NFIB: variants seen among roughly 807,000 people sequenced by gnomAD.
NFIB encodes the protein nuclear factor I B.
A neutral mutation model predicts 61.5 loss-of-function variants in NFIB; 11 were observed. The ratio of observed to expected loss-of-function variants is 0.18; its 90% CI spans 0.11 to 0.30. NFIB has a LOEUF of 0.30. Ranked by LOEUF, NFIB falls within the 10% of genes least tolerant of loss-of-function variation. NFIB has a pLI of 1.00. For missense variants in NFIB, 471 were observed against 608.9 expected (o/e 0.77, Z 2.38); for synonymous variants, 260 against 216.5 (o/e 1.20, Z -1.76).
chr9:14,362,921 A>G (rs2061256867), intron 1 of NFIB: 1 of 152,142 alleles, frequency 6.6e-6, no homozygotes, highest in Non-Finnish European at 1.5e-5. Context: ...AACAAAAAAA[A>G]GGACTTTGGG....
chr9:14,295,586 G>A (rs1414368565), intron 2 of NFIB, among the ~76,000 whole-genome samples: 4 of 152,056 alleles, frequency 2.6e-5, no homozygotes, highest in Admixed American at 6.6e-5. Context: ...AGCCGAGATT[G>A]CGCCACTGCA....
rs1485100181 is a variant in NFIB at position 14,237,762 on chromosome 9, CAGTGTGTGTGTGTGTGTGTG to C, written c.563-58002_563-57983del. ...AAGCTCCTCACCCTGCTAGGTATAA[CAGTGTGTGTGTGTGTGTGTG>C]TGTGTGTGTGTGTGTGTGTGTGTGT... On this transcript the variant is annotated intron_variant, in intron 2 of 10. Coordinates refer to ENST00000380953, the MANE Select transcript of NFIB (RefSeq NM_001190737.2). Among the ~76,000 whole-genome samples, 85 of 105,894 alleles carry C rather than the reference CAGTGTGTGTGTGTGTGTGTG, an allele frequency of 8.0e-4. 1 individual carries two copies. Among genetic ancestry groups the C allele is most frequent in the African/African-American group, 3.1e-3 (76 of 24,388 alleles). The allele number at this position is 105,894 out of a possible 152,430, so 69.5% of individuals were successfully genotyped here.
intron 6 of NFIB, among the ~76,000 whole-genome samples, chr9:14,142,959 C>A (rs571330199): frequency 3.5e-4 from 53 of 152,022 alleles, no homozygotes; most frequent in African/African-American, 1.2e-3. Context: ...TCATTTTGTT[C>A]TGTATATATA....
intron 2 of NFIB, among the ~76,000 whole-genome samples, chr9:14,233,156 G>C (rs74995431): frequency 1.3e-5 from 2 of 152,152 alleles, no homozygotes; most frequent in African/African-American, 4.8e-5. Context: ...ATCTCTTACA[G>C]ACATGTAGTT....
At chr9:14,327,378 AAAG>A (rs1463507791) in intron 1 of NFIB, among the ~76,000 whole-genome samples, 4 of 152,220 alleles carry the variant, frequency 2.6e-5, no homozygotes, top group Non-Finnish European at 5.9e-5. Flanking sequence ...CCTTTTACTT[AAAG>A]AAGATCAATA....
intron 3 of NFIB, among the ~76,000 whole-genome samples, chr9:14,167,210 T>C (rs2044945638): frequency 6.6e-6 from 1 of 152,020 alleles, no homozygotes; most frequent in Admixed American, 6.6e-5. Flanking sequence ...GGAAACGTCA[T>C]CATCCTTGAG....
At chr9:14,377,508 T>A (rs1156442778) in intron 1 of NFIB, among the ~76,000 whole-genome samples, 1 of 152,228 alleles carries the variant, frequency 6.6e-6, no homozygotes, top group East Asian at 1.9e-4. Flanking sequence ...AGAGCCACCG[T>A]GCCTGGCCTG....
the NFIB span, among the ~76,000 whole-genome samples, chr9:14,515,005 T>C: frequency 1.2e-4 from 18 of 152,316 alleles, no homozygotes; most frequent in East Asian, 3.5e-3. Flanking sequence ...ATCTTAGCTA[T>C]TAGCTTTGAG....
chr9:14,378,580 C>G (rs1440580078), intron 1 of NFIB, among the ~76,000 whole-genome samples: 3 of 152,232 alleles, frequency 2.0e-5, no homozygotes, highest in South Asian at 2.1e-4. Context: ...TGGACTCAAT[C>G]TCCTGACCTT....
At chr9:14,225,456 C>CAAAAAAAAAAAAAAAAAAA (rs1228589594) in intron 2 of NFIB, among the ~76,000 whole-genome samples, 1 of 58,008 alleles carries the variant, frequency 1.7e-5, no homozygotes, top group Non-Finnish European at 4.3e-5. Flanking sequence ...GACTCCGTCT[C>CAAAAAAAAAAAAAAAAAAA]AAAAAAAAAA....
At chr9:14,293,541 C>G (rs1037200367) in intron 2 of NFIB, among the ~76,000 whole-genome samples, 6 of 152,164 alleles carry the variant, frequency 3.9e-5, no homozygotes, top group Admixed American at 2.6e-4. Flanking sequence ...AAACATAATC[C>G]TTACTCAGAA....
the NFIB span, among the ~76,000 whole-genome samples, chr9:14,463,806 G>A: frequency 4.6e-5 from 7 of 151,820 alleles, no homozygotes; most frequent in African/African-American, 9.7e-5. Context: ...GACTACAGGC[G>A]CCCGCCACCA....
At chr9:14,254,216 G>A (rs950807941) in intron 2 of NFIB, among the ~76,000 whole-genome samples, 2 of 151,916 alleles carry the variant, frequency 1.3e-5, no homozygotes, top group Non-Finnish European at 2.9e-5. Context: ...CATAAGAATC[G>A]CTTGAACCTG....
Position 14,146,790 on chromosome 9 carries a change from A to G in NFIB, c.824T>C (p.Ile275Thr), listed in dbSNP as rs1015909000. The G allele has an allele frequency of 6.2e-7, 1 of 1,605,650 alleles. No homozygotes were observed. The highest frequency in any genetic ancestry group is 8.5e-7 in the Non-Finnish European group (1 of 1,177,922). ...SPPSSKRPKT[I>T]SIDENMEPSP... is the part of the protein sequence containing the mutation. ...TGGTTCCATATTTTCATCTATGGAT[A>G]TAGTTTTGGGTCTTTTGCTGTTAAA... The change falls in exon 6 of 11, where the codon ATA becomes ACA. Residue 275 changes from isoleucine (I) to threonine (T), a missense_variant. Ile to Thr is a moderately conservative substitution (Grantham distance 89, BLOSUM62 -1). This residue lies in a region of NFIB where 372 missense variants were observed against 395.6 expected (regional missense o/e 0.94). Transcript: ENST00000380953.
chr9:14,395,324 TA>T (rs538107816), intron 1 of NFIB, among the ~76,000 whole-genome samples: 90 of 137,232 alleles, frequency 6.6e-4, no homozygotes, highest in East Asian at 8.3e-4. Context: ...AAAAAAAACC[TA>T]AAAAAAAAAA....
At chr9:14,494,270 A>G in the NFIB span, among the ~76,000 whole-genome samples, 2 of 152,230 alleles carry the variant, frequency 1.3e-5, no homozygotes. Flanking sequence ...ATAAACAGCA[A>G]TCTTATACTT....
chr9:14,476,178 T>A, the NFIB span, among the ~76,000 whole-genome samples: 1 of 144,574 alleles, frequency 6.9e-6, no homozygotes, highest in Admixed American at 6.9e-5. Flanking sequence ...GGAAAAATAT[T>A]TTTTTTTCTG....
intron 2 of NFIB, among the ~76,000 whole-genome samples, chr9:14,283,499 CT>C (rs1474485137): frequency 1.3e-5 from 2 of 152,310 alleles, no homozygotes; most frequent in African/African-American, 4.8e-5. Flanking sequence ...AGTCTAGCAT[CT>C]TGACTGAAAG....
rs2032590031 is a variant in NFIB, at chr9:14,084,803, T to C, written c.*3506A>G. On this transcript the variant is annotated 3_prime_UTR_variant, in exon 11 of 11. Transcript: ENST00000380953. The stretch of plus-strand genomic sequence containing the variant: ...AGGAGGCCGAAAAGTTGATTTGAGA[T>C]TTTATATATATAGTAGTACTTTTAA... 1.3e-5 allele frequency: 3 copies of C among 228,172 alleles called. No homozygotes were observed. Among genetic ancestry groups the C allele is most frequent in the Admixed American group, 1.1e-4 (2 of 17,578 alleles). The allele number at this position is 228,172 out of a possible 1,614,324, so 14.1% of individuals were successfully genotyped here.
Sources: allele counts gnomAD v4.1 joint callset (sites outside exome capture counted in the v4.1 genomes callset), GRCh38; gene constraint gnomAD v4.1.1; regional missense constraint gnomAD v4.1.1; transcripts MANE v1.5; gene names NCBI Gene and HGNC (gene_info 2026-07-23, HGNC 2026-07-21).